Variants in ERGIC1 observed in about 807,000 individuals in gnomAD.
ERGIC1 encodes the protein endoplasmic reticulum-golgi intermediate compartment 1, also known as endoplasmic reticulum-Golgi intermediate compartment protein 1.
In ERGIC1, 19 loss-of-function variants were observed where a neutral mutation model predicts 38.3. That is an observed-to-expected ratio of 0.50 (90% CI 0.35 to 0.73). The LOEUF (loss-of-function observed/expected upper bound fraction) is 0.73. Ranked by LOEUF, ERGIC1 falls within the 30% of genes least tolerant of loss-of-function variation. The pLI is 0.01. For missense variants in ERGIC1, 294 were observed against 389.2 expected (o/e 0.76, Z 2.06); for synonymous variants, 124 against 157.6 (o/e 0.79, Z 1.60).
At chr5:172,857,319 G>A (rs955612122) in intron 1 of ERGIC1, among the ~76,000 whole-genome samples, 4 of 152,118 alleles carry the variant, frequency 2.6e-5, no homozygotes, top group Non-Finnish European at 5.9e-5. Context: ...GGAATGGTTC[G>A]ATTCATTGCC....
intron 3 of ERGIC1, chr5:172,905,403 G>A (rs1289262899): frequency 1.3e-5 from 6 of 453,808 alleles, no homozygotes; most frequent in African/African-American, 6.0e-5. Flanking sequence ...GCCTGTTACC[G>A]GCGGGTCTTT....
At chr5:172,867,727 A>C (rs2113141598) in intron 1 of ERGIC1, 1 of 224,120 alleles carries the variant, frequency 4.5e-6, no homozygotes, top group African/African-American at 2.3e-5. Flanking sequence ...TTCCATCTGC[A>C]AATATACCCA....
Position 172,926,694 on chromosome 5 carries a change from C to G in ERGIC1, c.541+125C>G. 9.7e-7 allele frequency: 1 copy of G among 1,032,826 alleles called. No homozygotes were observed. Among genetic ancestry groups the G allele is most frequent in the East Asian group, 2.5e-5 (1 of 40,426 alleles). The allele number at this position is 1,032,826 out of a possible 1,614,324, so 64.0% of individuals were successfully genotyped here. ...ACTCCAAGGCAGGGAGGCTGCTGCT[C>G]ACACTCCATTCCCACAGCTAACCAG... On this transcript the variant is annotated intron_variant, in intron 7 of 9. Coordinates refer to ENST00000393784, the MANE Select transcript of ERGIC1 (RefSeq NM_001031711.3). This position sits in a 1 kb window ranked among gnomAD's most constrained non-coding sequence, Gnocchi z 5.2.
In ERGIC1 at chr5:172,837,377, G is replaced by A. The variant is rs1204639981; in HGVS notation, c.20+2944G>A. 1.3e-5 allele frequency among the ~76,000 whole-genome samples: 2 copies of A among 152,170 alleles called. No individual in the cohort carries two copies. Among genetic ancestry groups the A allele is most frequent in the Non-Finnish European group, 2.9e-5 (2 of 68,012 alleles). Reference sequence around the variant, plus strand: ...CATTTTGGCCGCCATATTTATTTGTGTCATTTTATTTAAGCACCCATCATC... The same window carrying A: ...CATTTTGGCCGCCATATTTATTTGTATCATTTTATTTAAGCACCCATCATC... On this transcript the variant is annotated intron_variant, in intron 1 of 9. Transcript: ENST00000393784. This position sits in a 1 kb window ranked among gnomAD's most constrained non-coding sequence, Gnocchi z 4.3.
intron 1 of ERGIC1, among the ~76,000 whole-genome samples, chr5:172,855,212 A>G (rs1392329033): frequency 1.3e-5 from 2 of 152,158 alleles, no homozygotes; most frequent in African/African-American, 4.8e-5. Flanking sequence ...GGGAACAATG[A>G]CGCTGGTTTC....
In ERGIC1 at chr5:172,909,564, A is replaced by T. The variant is rs1373023227; in HGVS notation, c.156-103A>T. 3.8e-6 allele frequency: 4 copies of T among 1,043,268 alleles called. No individual in the cohort carries two copies. In the Admixed American group the frequency reaches 5.2e-5, roughly 14 times the overall value. 64.6% of individuals were successfully genotyped at this position (1,043,268 alleles called of 1,614,324 possible). ...GCTCTGCCCAGGTGGAGTCTGGGTT[A>T]TCTAAGTTGTGGTCACCAAGTGAAG... On this transcript the variant is annotated intron_variant, in intron 3 of 9. Transcript: ENST00000393784.
chr5:172,889,013 G>A (rs1325428907), intron 2 of ERGIC1, among the ~76,000 whole-genome samples: 5 of 152,190 alleles, frequency 3.3e-5, no homozygotes, highest in Non-Finnish European at 5.9e-5. Flanking sequence ...GGCTGGGCGC[G>A]GTGGCTCACG....
intron 1 of ERGIC1, among the ~76,000 whole-genome samples, chr5:172,840,607 C>G (rs540149495): frequency 1.3e-5 from 2 of 152,232 alleles, no homozygotes; most frequent in Admixed American, 1.3e-4. Flanking sequence ...AGCCTTGCCT[C>G]GGGAGGCTGG....
At chr5:172,859,557 C>G (rs532531450) in intron 1 of ERGIC1, among the ~76,000 whole-genome samples, 1 of 152,228 alleles carries the variant, frequency 6.6e-6, no homozygotes, top group Non-Finnish European at 1.5e-5. Flanking sequence ...CTCATTGGCT[C>G]CACTTAGCAG....
chr5:172,885,490 T>C (rs1040674593), intron 1 of ERGIC1, among the ~76,000 whole-genome samples: 1 of 152,140 alleles, frequency 6.6e-6, no homozygotes, highest in African/African-American at 2.4e-5. Context: ...TCCCTGATGG[T>C]GACCTGGACA....
At chr5:172,932,258 G>C (rs1763793449) in intron 7 of ERGIC1, among the ~76,000 whole-genome samples, 178 bp from the exon 8 acceptor site, 1 of 152,232 alleles carries the variant, frequency 6.6e-6, no homozygotes, top group Non-Finnish European at 1.5e-5. Context: ...CTGATGGATA[G>C]AGTCTCCCAA....
intron 1 of ERGIC1, among the ~76,000 whole-genome samples, chr5:172,851,707 C>G (rs1178122179): frequency 1.3e-5 from 2 of 151,958 alleles, no homozygotes; most frequent in African/African-American, 4.8e-5. Context: ...CCGAGGACCC[C>G]TCTGAGACAT....
intron 1 of ERGIC1, among the ~76,000 whole-genome samples, chr5:172,869,146 G>A (rs1247014719): frequency 6.6e-6 from 1 of 152,268 alleles, no homozygotes; most frequent in Non-Finnish European, 1.5e-5. Context: ...TGAGGGAATG[G>A]CAGGCATGCC....
chr5:172,852,182 T>A (rs1439480871), intron 1 of ERGIC1, among the ~76,000 whole-genome samples: 2 of 152,170 alleles, frequency 1.3e-5, no homozygotes, highest in Non-Finnish European at 2.9e-5. Flanking sequence ...TTGAGCCCTG[T>A]GCTTAAAGAC....
intron 1 of ERGIC1, among the ~76,000 whole-genome samples, chr5:172,843,005 A>C (rs1417222505): frequency 6.6e-6 from 1 of 152,076 alleles, no homozygotes; most frequent in East Asian, 1.9e-4. Flanking sequence ...TTAGCTGGGC[A>C]TGGTGGTATG....
chr5:172,915,370 G>C (rs1763334877), intron 5 of ERGIC1: 1 of 443,372 alleles, frequency 2.3e-6, no homozygotes, highest in Non-Finnish European at 4.4e-6. Context: ...CATTCTGGTA[G>C]AGGGAGACAG....
chr5:172,899,752 T>G (rs571096134), intron 3 of ERGIC1, among the ~76,000 whole-genome samples: 25 of 152,218 alleles, frequency 1.6e-4, no homozygotes, highest in Non-Finnish European at 2.8e-4. Flanking sequence ...AAAACTAGAC[T>G]GTATCGATCA....
chr5:172,913,911 G>A (rs574344806), intron 4 of ERGIC1, among the ~76,000 whole-genome samples: 71 of 152,158 alleles, frequency 4.7e-4, no homozygotes, highest in African/African-American at 1.3e-3. Flanking sequence ...ATGGATGGGG[G>A]GCCTGAGCCT....
intron 1 of ERGIC1, among the ~76,000 whole-genome samples, chr5:172,840,937 T>G (rs892204400): frequency 6.6e-6 from 1 of 152,220 alleles, no homozygotes; most frequent in East Asian, 1.9e-4. Flanking sequence ...CCGCACTGGC[T>G]GCCTCACTGA....
Sources: allele counts gnomAD v4.1 joint callset (sites outside exome capture counted in the v4.1 genomes callset), GRCh38; gene constraint gnomAD v4.1.1; non-coding constraint Gnocchi (gnomAD v3.1); transcripts MANE v1.5; gene names NCBI Gene and HGNC (gene_info 2026-07-23, HGNC 2026-07-21).